The following GLG1 variants were observed in gnomAD, a reference collection of about 807,000 sequenced individuals.
GLG1 encodes the protein Golgi apparatus protein 1.
GLG1 carries 38 observed loss-of-function variants against 160.5 expected under a neutral mutation model. The observed-to-expected ratio is 0.24, with a 90% CI of 0.18 to 0.31. The LOEUF (loss-of-function observed/expected upper bound fraction) is 0.31, where lower values mean the gene tolerates loss of function less well. Ranked by LOEUF, GLG1 falls within the 10% of genes least tolerant of loss-of-function variation. GLG1 has a pLI of 1.00. For missense variants in GLG1, 1,373 were observed against 1,505.2 expected (o/e 0.91, Z 1.45); for synonymous variants, 644 against 543.4 (o/e 1.19, Z -2.57).
intron 22 of GLG1, among the ~76,000 whole-genome samples, chr16:74,460,799 G>C (rs902395005): frequency 2.6e-5 from 4 of 152,204 alleles, no homozygotes; most frequent in African/African-American, 9.7e-5. Context: ...CTCAGGACTT[G>C]TCAAAAAGAA....
intron 3 of GLG1, among the ~76,000 whole-genome samples, chr16:74,504,884 G>A (rs1465591451): frequency 6.6e-6 from 1 of 152,142 alleles, no homozygotes; most frequent in Non-Finnish European, 1.5e-5. Context: ...CCCAAATGCT[G>A]AAATTCAGGC....
chr16:74,523,253 A>G (rs2017228312), intron 2 of GLG1, among the ~76,000 whole-genome samples: 1 of 152,236 alleles, frequency 6.6e-6, no homozygotes. Context: ...CAGGGCATTC[A>G]GAATGGATTT....
intron 4 of GLG1, among the ~76,000 whole-genome samples, chr16:74,502,039 G>C (rs1367993215): frequency 6.6e-6 from 1 of 152,106 alleles, no homozygotes; most frequent in African/African-American, 2.4e-5. Context: ...CATTTGAACG[G>C]TGTGCTCAGT....
chr16:74,595,142 C>G (rs543306578), intron 1 of GLG1, among the ~76,000 whole-genome samples: 2 of 150,160 alleles, frequency 1.3e-5, no homozygotes, highest in Non-Finnish European at 3.0e-5. Context: ...GAGCGGAGAT[C>G]GCGCCACTGC....
At chr16:74,546,832 C>A (rs1285618120) in intron 1 of GLG1, among the ~76,000 whole-genome samples, 2 of 3,020 alleles carry the variant, frequency 6.6e-4, no homozygotes, top group Non-Finnish European at 5.5e-4. Context: ...AGTGAGACTC[C>A]ATCTCAAAAA....
Position 74,477,470 on chromosome 16 carries a change from G to T in GLG1, c.1891C>A (p.Leu631Met). Reference protein sequence around the residue: ...ILHQRAMDVKLDPALQDKCLI... With the variant: ...ILHQRAMDVKMDPALQDKCLI... ...CACTTATCCTGGAGGGCAGGATCCA[G>T]CTTGACATCCATGGCACGCTGGTGT... is the stretch of plus-strand genomic sequence containing the variant. The change falls in exon 12 of 26, where the codon CTG (leucine) becomes ATG (methionine). Residue 631 changes from leucine (L) to methionine (M), a missense_variant. By Grantham distance (15) the Leu-to-Met change is conservative. Transcript: ENST00000422840. The T allele has an allele frequency of 3.1e-6, 5 of 1,611,362 alleles. No homozygotes were observed. The highest frequency in any genetic ancestry group is 4.2e-6 in the Non-Finnish European group (5 of 1,177,446).
intron 1 of GLG1, among the ~76,000 whole-genome samples, chr16:74,548,197 G>C (rs1374904267): frequency 2.6e-5 from 4 of 152,146 alleles, no homozygotes; most frequent in African/African-American, 9.7e-5. Flanking sequence ...ATCTGCCATA[G>C]GACACCAGAA....
chr16:74,527,054 A>C (rs1211251330), intron 2 of GLG1, among the ~76,000 whole-genome samples: 1 of 152,150 alleles, frequency 6.6e-6, no homozygotes, highest in Non-Finnish European at 1.5e-5. Flanking sequence ...CTGTATCCTG[A>C]TTATACATCC....
rs372733605 is a variant in GLG1 at position 74,457,562 on chromosome 16, G to A, written c.3265+312C>T. On this transcript the variant is annotated intron_variant, in intron 24 of 25. Transcript: ENST00000422840. ...GTGTGTGAAGCTGGCTTCTAGTTTC[G>A]GCACCAGGAAAAGGACCATGATGAT... 1.1e-4 allele frequency among the ~76,000 whole-genome samples: 16 copies of A among 152,142 alleles called. No homozygotes were observed. The East Asian group carries it at 2.1e-3, about 20-fold the overall frequency.
intron 4 of GLG1, among the ~76,000 whole-genome samples, chr16:74,497,544 T>G (rs1228974014): frequency 1.3e-5 from 2 of 150,918 alleles, no homozygotes; most frequent in African/African-American, 4.9e-5. Flanking sequence ...TTCACTCTAT[T>G]CTCCTGCCTC....
intron 13 of GLG1, 32 bp downstream of exon 13, chr16:74,474,514 C>A (rs2015329563): frequency 9.9e-7 from 1 of 1,013,714 alleles, no homozygotes; most frequent in Non-Finnish European, 1.6e-6. Flanking sequence ...GGCAGCCACT[C>A]TCCTCCAATG....
At chr16:74,548,699 C>A (rs8050850) in intron 1 of GLG1, among the ~76,000 whole-genome samples, 102,018 of 151,754 alleles carry the variant, frequency 0.67, 34,515 homozygotes, top group East Asian at 0.81. Context: ...AATTCTTAGA[C>A]ATAATACCAA....
rs142467123 is a variant in GLG1 at position 74,606,745 on chromosome 16, G to A, written c.350C>T (p.Ser117Phe). Reference protein sequence around the residue: ...GGGWKLAEEESCREDVTRVCP... With the variant: ...GGGWKLAEEEFCREDVTRVCP... ...CACGCGGGTCACGTCCTCCCTGCAG[G>A]ACTCTTCCTCCGCCAGCTTCCAGCC... Residue 117 changes from serine (S) to phenylalanine (F), a missense_variant, in exon 1 of 26, where the codon TCC (serine) becomes TTC (phenylalanine). Physicochemically the swap from Ser to Phe is radical, Grantham distance 155. Around this residue, in one of 4 missense-constraint regions of GLG1, gnomAD observed 322 missense variants for 254.6 expected, o/e 1.26. Transcript: ENST00000422840. 6.9e-5 allele frequency: 111 copies of A among 1,613,314 alleles called. No homozygotes were observed. Among genetic ancestry groups the A allele is most frequent in the South Asian group, 4.4e-4 (40 of 91,024 alleles).
intron 1 of GLG1, among the ~76,000 whole-genome samples, chr16:74,597,196 G>T (rs1481817637): frequency 6.6e-6 from 1 of 151,850 alleles, no homozygotes; most frequent in Non-Finnish European, 1.5e-5. Context: ...ACTTTGGGAG[G>T]CCGAGGCGGG....
chr16:74,554,288 C>A (rs888914527), intron 1 of GLG1, among the ~76,000 whole-genome samples: 1 of 152,236 alleles, frequency 6.6e-6, no homozygotes, highest in African/African-American at 2.4e-5. Context: ...AATCTCAGAA[C>A]TTTGCGGGGC....
At chr16:74,477,661 A>G in intron 11 of GLG1, 128 bp from the exon 12 acceptor site, 1 of 670,218 alleles carries the variant, frequency 1.5e-6, no homozygotes, top group Non-Finnish European at 2.5e-6. Context: ...TTATACCTCA[A>G]ATATCTTCCA....
At chr16:74,473,282 C>T (rs1420284326) in intron 13 of GLG1, among the ~76,000 whole-genome samples, 4 of 151,694 alleles carry the variant, frequency 2.6e-5, no homozygotes, top group Admixed American at 1.3e-4. Context: ...GGTGCAATCT[C>T]GGCTCACTGC....
chr16:74,472,594 A>C lies in GLG1; in HGVS notation c.2053-183T>G, dbSNP rs1460613302. On this transcript the variant is annotated intron_variant, in intron 13 of 25. Transcript: ENST00000422840. The stretch of plus-strand genomic sequence containing the variant: ...AAATATAGAACTGCTCCTCCGTTAT[A>C]CTTTGAAAGGCAAATTTTTAAAGAC... The C allele has an allele frequency of 2.9e-5, 43 of 1,489,634 alleles. No individual in the cohort carries two copies. Among genetic ancestry groups the C allele is most frequent in the Non-Finnish European group, 3.7e-5 (41 of 1,114,106 alleles). 92.3% of individuals were successfully genotyped at this position (1,489,634 alleles called of 1,614,324 possible).
At chr16:74,560,326 CT>C (rs66983409) in intron 1 of GLG1, among the ~76,000 whole-genome samples, 168 of 118,380 alleles carry the variant, frequency 1.4e-3, no homozygotes, top group Non-Finnish European at 2.1e-3. Context: ...CAGTTTTTGT[CT>C]TTTTTTTTTT....
Sources: allele counts gnomAD v4.1 joint callset (sites outside exome capture counted in the v4.1 genomes callset), GRCh38; gene constraint gnomAD v4.1.1; regional missense constraint gnomAD v4.1.1; transcripts MANE v1.5; gene names NCBI Gene and HGNC (gene_info 2026-07-23, HGNC 2026-07-21).